ZCCHC17: variants seen among roughly 807,000 people sequenced by gnomAD.
The protein encoded by ZCCHC17 is zinc finger CCHC-type containing 17.
Under a neutral mutation model 30.6 loss-of-function variants are expected in ZCCHC17, and 18 were observed. The ratio of observed to expected loss-of-function variants is 0.59; its 90% CI spans 0.41 to 0.87. The LOEUF (loss-of-function observed/expected upper bound fraction) is 0.87. ZCCHC17 is among the 40% of genes least tolerant of loss of function. The pLI, the probability that ZCCHC17 is intolerant of heterozygous loss-of-function variation, is 0.00. For missense variants in ZCCHC17, 263 were observed against 284.2 expected, an observed-to-expected ratio of 0.93 and a Z score of 0.54; for synonymous variants, 88 against 92.4, an observed-to-expected ratio of 0.95 and a Z score of 0.27.
intron 7 of ZCCHC17, among the ~76,000 whole-genome samples, chr1:31,350,372 C>T (rs1160869091): frequency 6.6e-6 from 1 of 151,782 alleles, no homozygotes; most frequent in Non-Finnish European, 1.5e-5. Context: ...AGGAAAAGTT[C>T]TCTATACCAT....
intron 7 of ZCCHC17, among the ~76,000 whole-genome samples, chr1:31,360,784 T>A (rs894072351): frequency 2.6e-5 from 4 of 152,240 alleles, no homozygotes; most frequent in African/African-American, 9.6e-5. Flanking sequence ...TTTGCCGCTT[T>A]AGCCTTGGTC....
At position 31,312,543 on chromosome 1, in the gene ZCCHC17, ATC is replaced by A. The variant is rs1419107129; in HGVS notation, c.66+2383_66+2384del. ...ATGTGAGCCTTTAGGGTGTCACTTA[ATC>A]TCTTTGAACCTCAGTTTTCTTGTTT... On this transcript the variant is annotated intron_variant, in intron 2 of 7. Coordinates refer to ENST00000344147, the MANE Select transcript of ZCCHC17 (RefSeq NM_016505.4). Among the ~76,000 whole-genome samples, 16 of 152,076 alleles carry A rather than the reference ATC, an allele frequency of 1.1e-4. No individual in the cohort carries two copies. The East Asian group carries it at 3.1e-3, about 29-fold the overall frequency.
chr1:31,312,556 T>C (rs1646631164), intron 2 of ZCCHC17, among the ~76,000 whole-genome samples: 1 of 152,142 alleles, frequency 6.6e-6, no homozygotes, highest in Non-Finnish European at 1.5e-5. Flanking sequence ...TCTTTGAACC[T>C]CAGTTTTCTT....
chr1:31,328,398 G>T (rs751772431), intron 3 of ZCCHC17, among the ~76,000 whole-genome samples: 3 of 151,960 alleles, frequency 2.0e-5, no homozygotes, highest in Non-Finnish European at 4.4e-5. Context: ...TGTAGTCCAA[G>T]CTACTTGAGG....
intron 5 of ZCCHC17, among the ~76,000 whole-genome samples, chr1:31,340,606 C>T (rs71646315): frequency 3.5e-4 from 54 of 152,148 alleles, no homozygotes; most frequent in Admixed American, 8.5e-4. Flanking sequence ...CGCGAGCCAC[C>T]GCGCCCGGCC....
intron 1 of ZCCHC17, among the ~76,000 whole-genome samples, chr1:31,307,087 T>C (rs1446751429): frequency 6.6e-6 from 1 of 151,958 alleles, no homozygotes; most frequent in Admixed American, 6.6e-5. Flanking sequence ...CCACCCGCCT[T>C]GGCCTCCCAA....
intron 3 of ZCCHC17, among the ~76,000 whole-genome samples, chr1:31,323,446 C>G (rs1187970260): frequency 2.0e-5 from 3 of 152,068 alleles, no homozygotes; most frequent in African/African-American, 7.2e-5. Context: ...CTCAGCCTCC[C>G]AAGTAGCTGG....
chr1:31,320,641 A>T (rs1646839597), intron 3 of ZCCHC17, among the ~76,000 whole-genome samples: 1 of 152,178 alleles, frequency 6.6e-6, no homozygotes, highest in African/African-American at 2.4e-5. Context: ...TATAATATGT[A>T]CTTAATTCTT....
intron 1 of ZCCHC17, among the ~76,000 whole-genome samples, chr1:31,298,377 G>GTTTTTTTTTTTTTTTTTTTTTTTTTTTT (rs59616986): frequency 6.9e-6 from 1 of 145,632 alleles, no homozygotes. Context: ...TTAGAGACCA[G>GTTTTTTTTTTTTTTTTTTTTTTTTTTTT]TTTTTTTTTG....
At chr1:31,318,470 A>C (rs1000310520) in intron 2 of ZCCHC17, among the ~76,000 whole-genome samples, 7 of 152,140 alleles carry the variant, frequency 4.6e-5, no homozygotes, top group Non-Finnish European at 2.9e-5. Context: ...CATCTTAGAC[A>C]ACTCTGCAGA....
At chr1:31,308,567 T>G (rs1646522684) in intron 1 of ZCCHC17, among the ~76,000 whole-genome samples, 1 of 152,192 alleles carries the variant, frequency 6.6e-6, no homozygotes, top group African/African-American at 2.4e-5. Flanking sequence ...GTGTCAAATG[T>G]AATTGGGAGG....
At chr1:31,343,766 A>G (rs2148461645) in intron 5 of ZCCHC17, among the ~76,000 whole-genome samples, 1 of 150,632 alleles carries the variant, frequency 6.6e-6, no homozygotes, top group Admixed American at 6.6e-5. Flanking sequence ...TACAACCTCA[A>G]ATTCCTAGGC....
Position 31,319,118 on chromosome 1 carries a change from G to C in ZCCHC17, c.76G>C (p.Val26Leu). Residue 26 changes from valine (V) to leucine (L), a missense_variant, in exon 3 of 8, where the codon GTG becomes CTG. Coordinates refer to ENST00000344147, the MANE Select transcript of ZCCHC17 (RefSeq NM_016505.4). ...YTIFQGEVAM[V>L]TDYGAFIKIP... ...TCCCCCATCTTTATAGGTTGCTATG[G>C]TGACAGACTATGGGGCCTTTATCAA... 6.2e-7 allele frequency: 1 copy of C among 1,609,752 alleles called. No individual in the cohort carries two copies. The highest frequency in any genetic ancestry group is 1.1e-5 in the South Asian group (1 of 90,652).
intron 7 of ZCCHC17, among the ~76,000 whole-genome samples, chr1:31,359,777 G>T (rs1187063584): frequency 6.6e-6 from 1 of 151,930 alleles, no homozygotes; most frequent in South Asian, 2.1e-4. Flanking sequence ...TGCGCCATGG[G>T]CTCACACTCC....
intron 1 of ZCCHC17, among the ~76,000 whole-genome samples, chr1:31,303,148 G>T (rs189106625): frequency 1.3e-5 from 2 of 151,916 alleles, no homozygotes; most frequent in Middle Eastern, 3.4e-3. Flanking sequence ...AGCCAAGCTC[G>T]TTGGTGTGTT....
chr1:31,303,434 A>C (rs1342230255), intron 1 of ZCCHC17, among the ~76,000 whole-genome samples: 2 of 152,240 alleles, frequency 1.3e-5, no homozygotes, highest in African/African-American at 2.4e-5. Flanking sequence ...GTTCTAGTCA[A>C]TTAGTACTCA....
At chr1:31,332,532 A>G (rs1638632971) in intron 3 of ZCCHC17, among the ~76,000 whole-genome samples, 1 of 152,040 alleles carries the variant, frequency 6.6e-6, no homozygotes, top group Admixed American at 6.5e-5. Flanking sequence ...ATAAATTTTT[A>G]TGATTGGAAA....
chr1:31,336,810 ACG>A (rs913162689), intron 3 of ZCCHC17, among the ~76,000 whole-genome samples: 7 of 149,116 alleles, frequency 4.7e-5, no homozygotes, highest in Non-Finnish European at 7.4e-5. Flanking sequence ...AGCTACAGAC[ACG>A]TGCCACCATG....
intron 3 of ZCCHC17, 132 bp downstream of exon 3, chr1:31,319,298 A>G: frequency 2.9e-6 from 2 of 687,982 alleles, no homozygotes; most frequent in Non-Finnish European, 4.8e-6. Flanking sequence ...TAATGTATAG[A>G]TATGAATACA....
Sources: gnomAD v4.1 joint callset for allele counts (sites outside exome capture counted in the v4.1 genomes callset) on GRCh38, gnomAD v4.1.1 for gene constraint, MANE v1.5 for transcripts, NCBI Gene and HGNC (gene_info 2026-07-23, HGNC 2026-07-21) for gene names.